The following ARSB variants were observed in gnomAD, a reference collection of about 807,000 sequenced individuals.
ARSB encodes N-acetylgalactosamine-4-sulfatase.
A neutral mutation model predicts 50.9 loss-of-function variants in ARSB; 41 were observed. That is an observed-to-expected ratio of 0.81 (90% CI 0.63 to 1.04). ARSB has a LOEUF of 1.04. Ranked by LOEUF, ARSB falls within the 50% of genes least tolerant of loss-of-function variation. The pLI, the probability that ARSB is intolerant of heterozygous loss-of-function variation, is 0.00. For missense variants in ARSB, 672 were observed against 693.3 expected (o/e 0.97, Z 0.35); for synonymous variants, 269 against 284.8 (o/e 0.94, Z 0.56).
chr5:78,794,117 T>C (rs1243884188), intron 6 of ARSB, among the ~76,000 whole-genome samples: 1 of 152,182 alleles, frequency 6.6e-6, no homozygotes, highest in East Asian at 1.9e-4. Flanking sequence ...CTAACCACAC[T>C]GCTGGAATCA....
At chr5:78,840,633 C>T (rs784583) in intron 5 of ARSB, among the ~76,000 whole-genome samples, 39,926 of 152,008 alleles carry the variant, frequency 0.26, 7,019 homozygotes, top group African/African-American at 0.5. Flanking sequence ...TAAATAACAG[C>T]TCCTTAAATT....
intron 5 of ARSB, among the ~76,000 whole-genome samples, chr5:78,857,767 T>C (rs1199977448): frequency 6.6e-6 from 1 of 152,194 alleles, no homozygotes; most frequent in Non-Finnish European, 1.5e-5. Context: ...AACTATCTTG[T>C]TTGCCATTTG....
intron 6 of ARSB, among the ~76,000 whole-genome samples, chr5:78,786,799 A>G (rs1194446127): frequency 6.6e-6 from 1 of 151,970 alleles, no homozygotes; most frequent in Admixed American, 6.6e-5. Context: ...TTTTATAGAG[A>G]TGGGGGTCTT....
chr5:78,869,185 G>T (rs1273323396), intron 5 of ARSB, among the ~76,000 whole-genome samples: 1 of 126,310 alleles, frequency 7.9e-6, no homozygotes, highest in South Asian at 2.7e-4. Context: ...GACCTACAAA[G>T]AGACTTAGAC....
intron 1 of ARSB, among the ~76,000 whole-genome samples, chr5:78,970,826 T>C (rs1454357300): frequency 6.6e-6 from 1 of 152,108 alleles, no homozygotes; most frequent in African/African-American, 2.4e-5. Flanking sequence ...CAAGGCATGG[T>C]GGCCTGTGCC....
chr5:78,833,230 C>T (rs1047271608), intron 6 of ARSB, among the ~76,000 whole-genome samples: 6 of 152,126 alleles, frequency 3.9e-5, no homozygotes, highest in African/African-American at 1.4e-4. Context: ...GGCTGTTCCC[C>T]ACCACTTTAG....
At position 78,780,435 on chromosome 5, in the gene ARSB, C is replaced by A; in HGVS notation, c.1564G>T (p.Asp522Tyr). The A allele has an allele frequency of 6.2e-7, 1 of 1,614,160 alleles. No individual in the cohort carries two copies. The highest frequency in any genetic ancestry group is 8.5e-7 in the Non-Finnish European group (1 of 1,180,026). ...VYFPAQDPRCDPKATGVWGPW... is the reference protein window; with the variant it reads ...VYFPAQDPRCYPKATGVWGPW... ...CCCCACACCCCAGTGGCCTTGGGAT[C>A]ACAGCGGGGGTCCTGTGCAGGGAAG... The change falls in exon 8 of 8, where the codon GAT (aspartate) becomes TAT (tyrosine). Residue 522 changes from aspartate to tyrosine, a missense_variant. Transcript: ENST00000264914.
intron 5 of ARSB, among the ~76,000 whole-genome samples, chr5:78,844,041 T>C (rs538737229): frequency 6.6e-6 from 1 of 152,336 alleles, no homozygotes; most frequent in South Asian, 2.1e-4. Flanking sequence ...GTGTGGGCAT[T>C]CGTTTTCATA....
At chr5:78,871,329 T>C (rs924319054) in intron 5 of ARSB, among the ~76,000 whole-genome samples, 21 of 152,122 alleles carry the variant, frequency 1.4e-4, no homozygotes, top group African/African-American at 5.1e-4. Context: ...CAAGTTCATA[T>C]GGAACCAAAA....
chr5:78,905,910 CAAAAAAAAAA>C (rs57651882), intron 4 of ARSB, among the ~76,000 whole-genome samples: 33,398 of 94,662 alleles, frequency 0.35, 4,464 homozygotes, highest in Admixed American at 0.44. Flanking sequence ...AGCAAAGTAG[CAAAAAAAAAA>C]AAAAAAAAAA....
chr5:78,907,009 T>C (rs535004429), intron 4 of ARSB, among the ~76,000 whole-genome samples: 5 of 152,260 alleles, frequency 3.3e-5, no homozygotes, highest in South Asian at 2.1e-4. Flanking sequence ...GTTCAACACA[T>C]GGTCCCTGCT....
intron 5 of ARSB, among the ~76,000 whole-genome samples, chr5:78,878,322 G>A (rs910510972): frequency 9.9e-5 from 15 of 152,058 alleles, no homozygotes; most frequent in African/African-American, 3.4e-4. Flanking sequence ...ATGAAGGACA[G>A]GCCGATAACC....
chr5:78,874,362 G>A (rs1301011016), intron 5 of ARSB, among the ~76,000 whole-genome samples: 1 of 152,026 alleles, frequency 6.6e-6, no homozygotes, highest in Non-Finnish European at 1.5e-5. Context: ...TGATACAGTA[G>A]GAATAACACT....
chr5:78,846,360 A>G (rs1447211561), intron 5 of ARSB, among the ~76,000 whole-genome samples: 2 of 152,092 alleles, frequency 1.3e-5, no homozygotes, highest in African/African-American at 4.8e-5. Context: ...TGCTTTGGCT[A>G]TAGGGTCTTT....
At chr5:78,932,990 T>A (rs1750405646) in intron 4 of ARSB, among the ~76,000 whole-genome samples, 1 of 152,222 alleles carries the variant, frequency 6.6e-6, no homozygotes, top group Non-Finnish European at 1.5e-5. Context: ...ATTGTCAATG[T>A]CACACCATTT....
Position 78,867,064 on chromosome 5 carries a change from C to A in ARSB, c.1142+18520G>T, listed in dbSNP as rs1746798348. On this transcript the variant is annotated intron_variant, in intron 5 of 7. Coordinates refer to ENST00000264914, the MANE Select transcript of ARSB (RefSeq NM_000046.5). ...GTCAAAGAAAGGGGTGACAGACGCA[C>A]CTGGAAAATCGGGTCACTCCCACCC... Among the ~76,000 whole-genome samples the A allele has an allele frequency of 3.9e-5, 6 of 152,260 alleles. No homozygotes were observed. In the Middle Eastern group the frequency reaches 0.01, roughly 259 times the overall value.
intron 5 of ARSB, among the ~76,000 whole-genome samples, chr5:78,861,141 G>T (rs1463716122): frequency 1.3e-5 from 2 of 152,106 alleles, no homozygotes; most frequent in African/African-American, 4.8e-5. Flanking sequence ...ACCAAAAACA[G>T]TCCAGGACCA....
rs559666146 is a variant in ARSB at position 78,807,211 on chromosome 5, C to G, written c.1214-25237G>C. The stretch of plus-strand genomic sequence containing the variant: ...CTAGTCTCCCTCCTTAAGAGTGAGA[C>G]ATAATAGAAACATTTGAGAGAGTCA... On this transcript the variant is annotated intron_variant, in intron 6 of 7. Coordinates refer to ENST00000264914, the MANE Select transcript of ARSB (RefSeq NM_000046.5). 3.3e-5 allele frequency among the ~76,000 whole-genome samples: 5 copies of G among 152,288 alleles called. No individual in the cohort carries two copies. The South Asian group carries it at 1.0e-3, about 32-fold the overall frequency.
intron 6 of ARSB, among the ~76,000 whole-genome samples, chr5:78,794,895 T>C (rs1405865271): frequency 6.6e-6 from 1 of 152,194 alleles, no homozygotes; most frequent in Non-Finnish European, 1.5e-5. Context: ...TTAATAGCAG[T>C]ATTAGCAGCA....
Sources: gnomAD v4.1 joint callset for allele counts (sites outside exome capture counted in the v4.1 genomes callset) on GRCh38, gnomAD v4.1.1 for gene constraint, MANE v1.5 for transcripts, NCBI Gene and HGNC (gene_info 2026-07-23, HGNC 2026-07-21) for gene names.